The following KLHL22 variants were observed in gnomAD, a reference collection of about 807,000 sequenced individuals.
KLHL22 encodes the protein kelch like family member 22, also known as kelch-like protein 22.
Under a neutral mutation model 60.7 loss-of-function variants are expected in KLHL22, and 18 were observed. The ratio of observed to expected loss-of-function variants is 0.30; its 90% CI spans 0.20 to 0.44. The LOEUF is 0.44. Among genes scored for constraint, KLHL22 ranks in the 20% least tolerant of loss-of-function variants. KLHL22 has a pLI of 1.00. For synonymous variants in KLHL22, 355 were observed against 354.5 expected (o/e 1.00, Z -0.01); for missense variants, 596 against 852.3 (o/e 0.70, Z 3.74).
chr22:20,489,389 C>T lies in KLHL22; in HGVS notation c.-33-145G>A, dbSNP rs184154908. 3,171 of 655,870 alleles carry T rather than the reference C, an allele frequency of 4.8e-3. 21 individuals are homozygous for T. The highest frequency in any genetic ancestry group is 0.017 in the Middle Eastern group (41 of 2,436). 40.6% of individuals were successfully genotyped at this position (655,870 alleles called of 1,614,324 possible). ...CCCTCTATTTCCAAATCCCCTAATT[C>T]CTTCTCCCCTCCCACCTCTAGTCCA... On this transcript the variant is annotated intron_variant, in intron 1 of 6. Transcript: ENST00000328879.
intron 1 of KLHL22, among the ~76,000 whole-genome samples, chr22:20,490,678 A>C (rs1321033629): frequency 6.6e-6 from 1 of 152,216 alleles, no homozygotes; most frequent in African/African-American, 2.4e-5. Flanking sequence ...GTTCCACCTC[A>C]GATTATCAGG....
intron 1 of KLHL22, 43 bp from the exon 2 acceptor site, chr22:20,489,287 A>C (rs762487374): frequency 4.2e-6 from 6 of 1,437,822 alleles, no homozygotes; most frequent in Non-Finnish European, 5.8e-6. Flanking sequence ...GCAGGCAGGC[A>C]TCAGCCCCAC....
At position 20,446,729 on chromosome 22, in the gene KLHL22, C is replaced by G; in HGVS notation, c.1306-53G>C. 2.8e-6 allele frequency: 4 copies of G among 1,435,506 alleles called. No individual in the cohort carries two copies. In the South Asian group the frequency reaches 4.6e-5, roughly 16 times the overall value. The allele number at this position is 1,435,506 out of a possible 1,614,324, so 88.9% of individuals were successfully genotyped here. A position where few individuals can be genotyped will look rare whatever the true frequency, so the allele number is the denominator to read the frequency against. ...GTGAGAGGGCAGTGAGGAAGGGTGG[C>G]TGGGTACTCTGTCAAGGCCAATCAC... On this transcript the variant is annotated intron_variant, in intron 5 of 6. Transcript: ENST00000328879.
chr22:20,494,736 G>T (rs1213858845), intron 1 of KLHL22, among the ~76,000 whole-genome samples: 1 of 152,154 alleles, frequency 6.6e-6, no homozygotes, highest in Non-Finnish European at 1.5e-5. Context: ...TGTACTGTTC[G>T]AAGTTTCAGT....
In KLHL22 at chr22:20,465,918, T is replaced by TGATTC. The variant is rs1423909179; in HGVS notation, c.394-347_394-343dup. Among the ~76,000 whole-genome samples the TGATTC allele has an allele frequency of 7.9e-5, 12 of 151,988 alleles. No homozygotes were observed. The highest frequency in any genetic ancestry group is 2.9e-4 in the African/African-American group (12 of 41,380). ...AACACCTCCCCCTCCCGGGTTGAAA[T>TGATTC]GATTCTCCTGCCTCAGCCTCCCGTA... On this transcript the variant is annotated intron_variant, in intron 3 of 6. Transcript: ENST00000328879. The surrounding 1 kb of genome is among the most constrained non-coding windows in gnomAD (Gnocchi z 4.9).
intron 2 of KLHL22, 132 bp from the exon 3 acceptor site, chr22:20,471,647 T>C: frequency 1.2e-6 from 1 of 859,752 alleles, no homozygotes; most frequent in Non-Finnish European, 1.8e-6. Flanking sequence ...ACCCACTCTG[T>C]GCTCTGAGTG....
At chr22:20,479,804 A>C (rs2053470222) in intron 2 of KLHL22, among the ~76,000 whole-genome samples, 1 of 152,234 alleles carries the variant, frequency 6.6e-6, no homozygotes, top group Non-Finnish European at 1.5e-5. Flanking sequence ...TGCAACTGCT[A>C]TGTTCCTCAG....
At position 20,446,693 on chromosome 22, in the gene KLHL22, G is replaced by A. The variant is rs770902339; in HGVS notation, c.1306-17C>T. On this transcript the variant is annotated splice_polypyrimidine_tract_variant and intron_variant, in intron 5 of 6. Coordinates refer to ENST00000328879, the MANE Select transcript of KLHL22 (RefSeq NM_032775.4). ...GGCATACACCTGTGTGGAGCCACCA[G>A]GAGAAATGGCGTGAGAGGGCAGTGA... 1.1e-5 allele frequency: 18 copies of A among 1,600,440 alleles called. No homozygotes were observed. Among genetic ancestry groups the A allele is most frequent in the Admixed American group, 1.7e-5 (1 of 60,022 alleles).
At position 20,446,686 on chromosome 22, in the gene KLHL22, G is replaced by A; in HGVS notation, c.1306-10C>T. On this transcript the variant is annotated splice_polypyrimidine_tract_variant and intron_variant, in intron 5 of 6. Coordinates refer to ENST00000328879, the MANE Select transcript of KLHL22 (RefSeq NM_032775.4). ...CTGCGTGGGCATACACCTGTGTGGA[G>A]CCACCAGGAGAAATGGCGTGAGAGG... The A allele has an allele frequency of 6.2e-7, 1 of 1,604,248 alleles. No individual in the cohort carries two copies. Among genetic ancestry groups the A allele is most frequent in the Non-Finnish European group, 8.5e-7 (1 of 1,177,022 alleles).
At chr22:20,492,724 G>A (rs1256995312) in intron 1 of KLHL22, among the ~76,000 whole-genome samples, 1 of 151,992 alleles carries the variant, frequency 6.6e-6, no homozygotes, top group African/African-American at 2.4e-5. Context: ...CCAGTAGCTG[G>A]GATTACAGGC....
intron 3 of KLHL22, among the ~76,000 whole-genome samples, chr22:20,467,446 C>T (rs1321456661): frequency 6.6e-6 from 1 of 152,204 alleles, no homozygotes; most frequent in Non-Finnish European, 1.5e-5. Flanking sequence ...CCAGATCACC[C>T]TGGTGTTTGA....
Position 20,464,941 on chromosome 22 carries a change from G to T in KLHL22, c.1029C>A (p.Gly343=). The stretch of plus-strand genomic sequence containing the variant: ...ATACGAAGTTGTTGAGCACCGCGAT[G>T]CCCTGGTTGGACATGCGGGGGGCCA... The part of the protein sequence containing the change: ...ASLAPRMSNQ[G]IAVLNNFVYL... The change falls in exon 4 of 7, where the codon GGC becomes GGA. Residue 343 remains glycine, a synonymous_variant. Coordinates refer to ENST00000328879, the MANE Select transcript of KLHL22 (RefSeq NM_032775.4). 1.9e-6 allele frequency: 3 copies of T among 1,601,144 alleles called. No homozygotes were observed. Among genetic ancestry groups the T allele is most frequent in the Non-Finnish European group, 2.6e-6 (3 of 1,173,942 alleles).
At position 20,446,439 on chromosome 22, in the gene KLHL22, TCA is replaced by T; in HGVS notation, c.1539+2_1539+3del. ...GGGTGTGGACTGCCCCGGGCCCCAC[TCA>T]CCTGGTGCACGTCCCTCCTGTATCC... On this transcript the variant is annotated splice_donor_variant and splice_donor_region_variant and intron_variant, in intron 6 of 6. Coordinates refer to ENST00000328879, the MANE Select transcript of KLHL22 (RefSeq NM_032775.4). LOFTEE classifies it high-confidence loss of function. The T allele has an allele frequency of 6.3e-7, 1 of 1,579,448 alleles. No homozygotes were observed. Among genetic ancestry groups the T allele is most frequent in the South Asian group, 1.1e-5 (1 of 89,826 alleles).
At chr22:20,478,251 G>C (rs1200683069) in intron 2 of KLHL22, among the ~76,000 whole-genome samples, 2 of 150,632 alleles carry the variant, frequency 1.3e-5, no homozygotes, top group African/African-American at 4.9e-5. Context: ...TGTTGCCCAG[G>C]CTGGAGTGCA....
At chr22:20,493,507 C>A (rs1569149957) in intron 1 of KLHL22, among the ~76,000 whole-genome samples, 1 of 152,220 alleles carries the variant, frequency 6.6e-6, no homozygotes, top group African/African-American at 2.4e-5. Flanking sequence ...AGTGGCCGGG[C>A]GCAGTGGCTC....
Position 20,465,737 on chromosome 22 carries a change from G to C in KLHL22, c.394-161C>G. On this transcript the variant is annotated intron_variant, in intron 3 of 6. Transcript: ENST00000328879. The surrounding 1 kb of genome is among the most constrained non-coding windows in gnomAD (Gnocchi z 4.9). Reference sequence around the variant, plus strand: ...CCTTTTCTGACACACTGGAGACTGGGGCTTACTGCAGACTAGGTTTAAGTC... The same window carrying C: ...CCTTTTCTGACACACTGGAGACTGGCGCTTACTGCAGACTAGGTTTAAGTC... 1 of 623,966 alleles carries C rather than the reference G, an allele frequency of 1.6e-6. No individual in the cohort carries two copies. The highest frequency in any genetic ancestry group is 2.9e-6 in the Non-Finnish European group (1 of 347,628). 38.7% of individuals were successfully genotyped at this position (623,966 alleles called of 1,614,324 possible).
chr22:20,479,498 T>G (rs1223316820), intron 2 of KLHL22, among the ~76,000 whole-genome samples: 1 of 152,052 alleles, frequency 6.6e-6, no homozygotes, highest in Non-Finnish European at 1.5e-5. Flanking sequence ...GCCCAGGAGT[T>G]TGAGACCAGC....
At chr22:20,470,871 G>C (rs1029910951) in intron 3 of KLHL22, among the ~76,000 whole-genome samples, 1 of 149,432 alleles carries the variant, frequency 6.7e-6, no homozygotes, top group Non-Finnish European at 1.5e-5. Flanking sequence ...TGCATGCATG[G>C]ATGGATGGAT....
intron 3 of KLHL22, among the ~76,000 whole-genome samples, chr22:20,470,362 A>T (rs1236683424): frequency 1.3e-5 from 2 of 151,516 alleles, no homozygotes; most frequent in East Asian, 3.9e-4. Flanking sequence ...AAAAAAAAAA[A>T]AAATAGGCCA....
Sources: allele counts gnomAD v4.1 joint callset (sites outside exome capture counted in the v4.1 genomes callset), GRCh38; gene constraint gnomAD v4.1.1; non-coding constraint Gnocchi (gnomAD v3.1); transcripts MANE v1.5; gene names NCBI Gene and HGNC (gene_info 2026-07-23, HGNC 2026-07-21).